The following OPCML variants were observed in gnomAD, a reference collection of about 807,000 sequenced individuals.
The protein encoded by OPCML is opioid-binding protein/cell adhesion molecule.
Under a neutral mutation model 37.8 loss-of-function variants are expected in OPCML, and 13 were observed. That is an observed-to-expected ratio of 0.34 (90% CI 0.22 to 0.55). The LOEUF (loss-of-function observed/expected upper bound fraction) is 0.55. Ranked by LOEUF, OPCML falls within the 20% of genes least tolerant of loss-of-function variation. OPCML has a pLI of 0.91. For missense variants in OPCML, 341 were observed against 435.6 expected (o/e 0.78, Z 1.93); for synonymous variants, 176 against 168.8 (o/e 1.04, Z -0.33).
At chr11:133,010,341 A>G (rs1344394007) in intron 1 of OPCML, among the ~76,000 whole-genome samples, 1 of 152,276 alleles carries the variant, frequency 6.6e-6, no homozygotes, top group African/African-American at 2.4e-5. Flanking sequence ...AGATAAATGG[A>G]TAATTTGTGA....
chr11:132,540,108 G>A (rs1222768160), intron 3 of OPCML, among the ~76,000 whole-genome samples: 1 of 152,224 alleles, frequency 6.6e-6, no homozygotes, highest in African/African-American at 2.4e-5. Flanking sequence ...AAGTGAAATG[G>A]CAGAAGGTTA....
chr11:133,212,912 A>G lies in OPCML; in HGVS notation c.62-269902T>C, dbSNP rs965175119. 6.6e-6 allele frequency among the ~76,000 whole-genome samples: 1 copy of G among 152,134 alleles called. No homozygotes were observed. The highest frequency in any genetic ancestry group is 2.4e-5 in the African/African-American group (1 of 41,404). On this transcript the variant is annotated intron_variant, in intron 1 of 7. Transcript: ENST00000524381. This position sits in a 1 kb window ranked among gnomAD's most constrained non-coding sequence, Gnocchi z 4.9. ...CGTCATGCCGTTAAACCACACATCAAGCTTTTATGTCTGGTGGTACCTCAA... is the reference window on the plus strand; with the variant it reads ...CGTCATGCCGTTAAACCACACATCAGGCTTTTATGTCTGGTGGTACCTCAA...
intron 4 of OPCML, among the ~76,000 whole-genome samples, chr11:132,494,977 G>A (rs754337707): frequency 2.0e-5 from 3 of 151,132 alleles, no homozygotes; most frequent in Non-Finnish European, 4.4e-5. Context: ...AATACATTTC[G>A]ACTACAAAGG....
At chr11:132,532,170 T>C (rs1418351696) in intron 3 of OPCML, among the ~76,000 whole-genome samples, 1 of 152,172 alleles carries the variant, frequency 6.6e-6, no homozygotes, top group Non-Finnish European at 1.5e-5. Context: ...GCTCAGTCAA[T>C]GTCACCCATT....
At position 133,056,929 on chromosome 11, in the gene OPCML, C is replaced by T. The variant is rs1479134713; in HGVS notation, c.62-113919G>A. ...TGCAATCTTGGCTCACCACAACCTC[C>T]GCCTTCCGGGTTCAAGTGATTCTCC... On this transcript the variant is annotated intron_variant, in intron 1 of 7. Transcript: ENST00000524381. Among the ~76,000 whole-genome samples, 5 of 152,250 alleles carry T rather than the reference C, an allele frequency of 3.3e-5. No homozygotes were observed. The East Asian group carries it at 7.7e-4, about 24-fold the overall frequency.
At chr11:132,853,121 C>A (rs1941889983) in intron 2 of OPCML, among the ~76,000 whole-genome samples, 1 of 152,048 alleles carries the variant, frequency 6.6e-6, no homozygotes, top group Admixed American at 6.5e-5. Flanking sequence ...GAATTGGTAT[C>A]TTGCAGACAT....
chr11:133,492,661 C>A (rs12283798), intron 1 of OPCML, among the ~76,000 whole-genome samples: 6,203 of 150,818 alleles, frequency 0.041, 150 homozygotes, highest in South Asian at 0.085. Context: ...AAAAAGTAAT[C>A]CTGATGTTAA....
intron 1 of OPCML, among the ~76,000 whole-genome samples, chr11:133,054,630 C>G (rs940336719): frequency 2.6e-5 from 4 of 152,218 alleles, no homozygotes; most frequent in African/African-American, 9.6e-5. Context: ...AATCAACAGG[C>G]AAAGATGATT....
intron 1 of OPCML, among the ~76,000 whole-genome samples, chr11:133,451,176 C>T (rs1482764482): frequency 6.6e-6 from 1 of 151,676 alleles, no homozygotes; most frequent in Non-Finnish European, 1.5e-5. Context: ...GAAGGAGTAG[C>T]TTCTAACAGA....
intron 2 of OPCML, among the ~76,000 whole-genome samples, chr11:132,744,055 G>C (rs774673065): frequency 2.0e-5 from 3 of 152,202 alleles, no homozygotes; most frequent in Non-Finnish European, 2.9e-5. Context: ...CCCTGGTCTA[G>C]ATAGCAAAGC....
intron 1 of OPCML, among the ~76,000 whole-genome samples, chr11:133,450,349 C>T (rs187951789): frequency 6.6e-6 from 1 of 151,662 alleles, no homozygotes; most frequent in East Asian, 1.9e-4. Flanking sequence ...GACTGAAAAG[C>T]TTGTTGATCT....
At chr11:132,606,465 T>A (rs995473237) in intron 3 of OPCML, among the ~76,000 whole-genome samples, 1 of 152,156 alleles carries the variant, frequency 6.6e-6, no homozygotes, top group African/African-American at 2.4e-5. Flanking sequence ...TTTCACAGGA[T>A]GATGTCTGCG....
intron 1 of OPCML, chr11:133,423,440 C>T: frequency 4.1e-6 from 4 of 985,390 alleles, no homozygotes; most frequent in Non-Finnish European, 4.8e-6. Flanking sequence ...AATGCATCTG[C>T]AGGCAAATCA....
chr11:132,689,065 C>T lies in OPCML; in HGVS notation c.147-31746G>A, dbSNP rs1047226849. Reference sequence around the variant, plus strand: ...CTGTGCTCTTTGAGCCCCTGAGCTGCCTGCCCTGAGGATTACGTGTGACAT... The same window carrying T: ...CTGTGCTCTTTGAGCCCCTGAGCTGTCTGCCCTGAGGATTACGTGTGACAT... On this transcript the variant is annotated intron_variant, in intron 2 of 7. Transcript: ENST00000524381. 2.6e-5 allele frequency among the ~76,000 whole-genome samples: 4 copies of T among 152,132 alleles called. No individual in the cohort carries two copies. In the East Asian group the frequency reaches 5.8e-4, roughly 22 times the overall value.
intron 1 of OPCML, among the ~76,000 whole-genome samples, chr11:133,311,205 G>A (rs1375089514): frequency 6.6e-6 from 1 of 152,176 alleles, no homozygotes; most frequent in Non-Finnish European, 1.5e-5. Flanking sequence ...CATTGCTTTG[G>A]ATTTCTAATT....
At chr11:133,150,699 A>G (rs771206603) in intron 1 of OPCML, among the ~76,000 whole-genome samples, 149 of 152,176 alleles carry the variant, frequency 9.8e-4, no homozygotes, top group Non-Finnish European at 9.9e-4. Flanking sequence ...GGCATCTTAC[A>G]AAATCTTCCT....
chr11:132,662,258 G>C (rs1942006558), intron 2 of OPCML, among the ~76,000 whole-genome samples: 1 of 152,132 alleles, frequency 6.6e-6, no homozygotes. Flanking sequence ...TGCGGCTCTG[G>C]GGACTCCTCC....
At chr11:133,085,594 T>C (rs1948806814) in intron 1 of OPCML, among the ~76,000 whole-genome samples, 1 of 152,184 alleles carries the variant, frequency 6.6e-6, no homozygotes, top group African/African-American at 2.4e-5. Context: ...GCCTGATGAA[T>C]GTAATTTATA....
rs145403100 is a variant in OPCML at position 133,095,785 on chromosome 11, G to A, written c.62-152775C>T. On this transcript the variant is annotated intron_variant, in intron 1 of 7. Coordinates refer to ENST00000524381, the MANE Select transcript of OPCML (RefSeq NM_001012393.5). Reference sequence around the variant, plus strand: ...TTGCATCTGACTTCTCAGAAACCATGTAAGTACAGAGTAGAGTGAAACAAG... The same window carrying A: ...TTGCATCTGACTTCTCAGAAACCATATAAGTACAGAGTAGAGTGAAACAAG... Among the ~76,000 whole-genome samples the A allele has an allele frequency of 2.7e-4, 41 of 151,562 alleles. No individual in the cohort carries two copies. In the East Asian group the frequency reaches 7.6e-3, roughly 28 times the overall value.
Sources: gnomAD v4.1 joint callset for allele counts (sites outside exome capture counted in the v4.1 genomes callset) on GRCh38, gnomAD v4.1.1 for gene constraint, Gnocchi (gnomAD v3.1) non-coding constraint, MANE v1.5 for transcripts, NCBI Gene and HGNC (gene_info 2026-07-23, HGNC 2026-07-21) for gene names.